Variants in OLFM3 observed in about 807,000 individuals in gnomAD.
OLFM3 encodes noelin-3.
OLFM3 carries 20 observed loss-of-function variants against 48.6 expected under a neutral mutation model. The ratio of observed to expected loss-of-function variants is 0.41; its 90% confidence interval spans 0.29 to 0.60. The LOEUF (loss-of-function observed/expected upper bound fraction) is 0.60. OLFM3 is among the 20% of genes least tolerant of loss of function. OLFM3 has a pLI of 0.28. For missense variants in OLFM3, 437 were observed against 544.3 expected (o/e 0.80, Z 1.96); for synonymous variants, 222 against 198.1 (o/e 1.12, Z -1.01).
intron 1 of OLFM3, among the ~76,000 whole-genome samples, chr1:101,895,635 GACTGTTGA>G (rs1179387720): frequency 6.6e-6 from 1 of 152,074 alleles, no homozygotes; most frequent in Admixed American, 6.5e-5. Flanking sequence ...AGCCTGTGAA[GACTGTTGA>G]ACTGTTTGGC....
intron 1 of OLFM3, among the ~76,000 whole-genome samples, chr1:101,863,905 A>C (rs1167774470): frequency 3.3e-5 from 5 of 152,216 alleles, no homozygotes; most frequent in Non-Finnish European, 7.3e-5. Flanking sequence ...ATCTCATTAA[A>C]GATTCACTAT....
At chr1:101,851,037 G>C (rs1258784668) in intron 1 of OLFM3, among the ~76,000 whole-genome samples, 5 of 152,194 alleles carry the variant, frequency 3.3e-5, no homozygotes, top group African/African-American at 1.2e-4. Flanking sequence ...GCTCTTGTTA[G>C]CAAGTTAAGT....
At chr1:101,975,364 T>A (rs575259355) in intron 1 of OLFM3, among the ~76,000 whole-genome samples, 1 of 152,178 alleles carries the variant, frequency 6.6e-6, no homozygotes, top group Non-Finnish European at 1.5e-5. Flanking sequence ...TTTACTTCTA[T>A]GGAAACGTAA....
intron 1 of OLFM3, among the ~76,000 whole-genome samples, chr1:101,841,291 T>C (rs974872726): frequency 6.6e-6 from 1 of 152,244 alleles, no homozygotes; most frequent in Non-Finnish European, 1.5e-5. Flanking sequence ...AAATAGACAG[T>C]ATTTAAATTT....
rs1413678957 is a variant in OLFM3 at position 101,802,665 on chromosome 1, A to G, written c.*1573T>C. Reference sequence around the variant, plus strand: ...GTGACATTTGAAATGAATTACACTTAAATGTTAGGATTTCTTTACATGATG... The same window carrying G: ...GTGACATTTGAAATGAATTACACTTGAATGTTAGGATTTCTTTACATGATG... On this transcript the variant is annotated 3_prime_UTR_variant, in exon 6 of 6. Coordinates refer to ENST00000370103, the MANE Select transcript of OLFM3 (RefSeq NM_058170.4). The G allele has an allele frequency of 3.3e-5, 5 of 151,662 alleles. No individual in the cohort carries two copies. The highest frequency in any genetic ancestry group is 1.2e-4 in the African/African-American group (5 of 41,390). The allele number at this position is 151,662 out of a possible 1,614,324, so 9.4% of individuals were successfully genotyped here. A position where few individuals can be genotyped will look rare whatever the true frequency, so the allele number is the denominator to read the frequency against.
intron 1 of OLFM3, among the ~76,000 whole-genome samples, chr1:101,957,940 T>C (rs1408188505): frequency 1.3e-5 from 2 of 152,150 alleles, no homozygotes; most frequent in East Asian, 3.9e-4. Flanking sequence ...TAACTGACAA[T>C]CAGAGCAAAA....
At chr1:101,885,885 T>G (rs868855887) in intron 1 of OLFM3, among the ~76,000 whole-genome samples, 2 of 152,174 alleles carry the variant, frequency 1.3e-5, no homozygotes, top group Middle Eastern at 6.8e-3. Context: ...TAGTTAAGTT[T>G]AGGGGAATCA....
chr1:101,935,245 A>G (rs1170249953), intron 1 of OLFM3, among the ~76,000 whole-genome samples: 1 of 151,988 alleles, frequency 6.6e-6, no homozygotes, highest in East Asian at 1.9e-4. Context: ...AATGAAGAAA[A>G]AAAAAGAAGA....
intron 1 of OLFM3, among the ~76,000 whole-genome samples, chr1:101,859,481 A>C (rs1656562767): frequency 6.6e-6 from 1 of 152,116 alleles, no homozygotes. Flanking sequence ...GAGAAACAAG[A>C]CAAAAGCAGC....
At chr1:101,891,274 G>T (rs1285884553) in intron 1 of OLFM3, among the ~76,000 whole-genome samples, 1 of 151,876 alleles carries the variant, frequency 6.6e-6, no homozygotes, top group Admixed American at 6.6e-5. Context: ...AGTGGCTTGG[G>T]TTAAGCATAG....
At chr1:101,865,203 C>T (rs528930867) in intron 1 of OLFM3, among the ~76,000 whole-genome samples, 3 of 151,582 alleles carry the variant, frequency 2.0e-5, no homozygotes, top group Non-Finnish European at 4.4e-5. Context: ...CATTATGGAG[C>T]CCCCTGCACC....
chr1:101,966,259 G>C (rs1052966903), intron 1 of OLFM3, among the ~76,000 whole-genome samples: 2 of 151,768 alleles, frequency 1.3e-5, no homozygotes, highest in Non-Finnish European at 2.9e-5. Context: ...TGGTCTCCCA[G>C]GCTCAAGGTA....
At chr1:101,975,096 T>C (rs1660915933) in intron 1 of OLFM3, among the ~76,000 whole-genome samples, 1 of 152,208 alleles carries the variant, frequency 6.6e-6, no homozygotes, top group African/African-American at 2.4e-5. Context: ...GTAAATCATA[T>C]AATTATCCCT....
At chr1:101,819,259 T>G (rs1037498563) in intron 4 of OLFM3, among the ~76,000 whole-genome samples, 6 of 152,138 alleles carry the variant, frequency 3.9e-5, no homozygotes, top group African/African-American at 7.2e-5. Context: ...TGGTTAAAGC[T>G]TAGAGTAAGT....
chr1:101,825,989 T>C (rs1382987570), intron 3 of OLFM3, among the ~76,000 whole-genome samples: 1 of 152,244 alleles, frequency 6.6e-6, no homozygotes, highest in Non-Finnish European at 1.5e-5. Context: ...TTACCATAGA[T>C]AATTTAAAGG....
At chr1:101,958,630 C>T (rs572711186) in intron 1 of OLFM3, among the ~76,000 whole-genome samples, 10 of 151,718 alleles carry the variant, frequency 6.6e-5, no homozygotes, top group Non-Finnish European at 1.0e-4. Flanking sequence ...TCCAATCAGG[C>T]GATGAAAAGC....
At chr1:101,811,491 G>A (rs1482638017) in intron 4 of OLFM3, among the ~76,000 whole-genome samples, 1 of 151,884 alleles carries the variant, frequency 6.6e-6, no homozygotes, top group African/African-American at 2.4e-5. Flanking sequence ...AAATTTACAA[G>A]AAAAAACAAA....
rs767883388 is a variant in OLFM3, at chr1:101,836,961, C to G, written c.134G>C (p.Cys45Ser). 6.2e-7 allele frequency: 1 copy of G among 1,614,148 alleles called. No homozygotes were observed. Among genetic ancestry groups the G allele is most frequent in the Non-Finnish European group, 8.5e-7 (1 of 1,180,012 alleles). ...YSSAQDPDGR[C>S]ICTVVAPEQN... ...TTCTGGAGCAACAACTGTGCAAATG[C>G]ACCGCCCATCAGGATCCTGAGCTGA... The change falls in exon 2 of 6, where the codon TGC becomes TCC. Residue 45 changes from cysteine to serine, a missense_variant. Transcript: ENST00000370103.
intron 1 of OLFM3, among the ~76,000 whole-genome samples, chr1:101,873,106 T>C (rs369830352): frequency 6.6e-6 from 1 of 152,032 alleles, no homozygotes; most frequent in East Asian, 1.9e-4. Context: ...CACCATAAAA[T>C]ATAGCTACCT....
Sources: gnomAD v4.1 joint callset for allele counts (sites outside exome capture counted in the v4.1 genomes callset) on GRCh38, gnomAD v4.1.1 for gene constraint, MANE v1.5 for transcripts, NCBI Gene and HGNC (gene_info 2026-07-23, HGNC 2026-07-21) for gene names.